HSF2BP: variants seen among roughly 807,000 people sequenced by gnomAD.
HSF2BP encodes the protein heat shock transcription factor 2 binding protein, also known as heat shock factor 2-binding protein.
In HSF2BP, 35 loss-of-function variants were observed where a neutral mutation model predicts 35.0. The observed-to-expected ratio is 1.00, with a 90% CI of 0.76 to 1.32. HSF2BP has a LOEUF of 1.32. Ranked by LOEUF, HSF2BP falls within the 40% of genes most tolerant of loss-of-function variation. The probability of loss-of-function intolerance (pLI) is 0.00; values close to 1 mark genes in which losing one functional copy is unlikely to be tolerated. For missense variants in HSF2BP, 326 were observed against 321.7 expected (o/e 1.01, Z -0.10); for synonymous variants, 114 against 117.4 (o/e 0.97, Z 0.18).
At chr21:43,645,980 G>C (rs1231648298) in intron 3 of HSF2BP, among the ~76,000 whole-genome samples, 2 of 151,970 alleles carry the variant, frequency 1.3e-5, no homozygotes, top group Non-Finnish European at 2.9e-5. Flanking sequence ...ATTCAGACCA[G>C]CTAAACATCA....
Position 43,659,127 on chromosome 21 carries a change from G to A in HSF2BP, c.-225+259C>T, listed in dbSNP as rs191099710. On this transcript the variant is annotated intron_variant, in intron 1 of 8. Transcript: ENST00000291560. This position sits in a 1 kb window ranked among gnomAD's most constrained non-coding sequence, Gnocchi z 4.2. ...AGCTTGGGCAACATAGCGAGACACC[G>A]TCTCTACAAAAAAATAACAAATAGT... 4.5e-4 allele frequency among the ~76,000 whole-genome samples: 69 copies of A among 152,166 alleles called. No homozygotes were observed. The highest frequency in any genetic ancestry group is 3.4e-3 in the Middle Eastern group (1 of 294).
chr21:43,642,072 G>A (rs931789179), intron 4 of HSF2BP, among the ~76,000 whole-genome samples: 2 of 152,152 alleles, frequency 1.3e-5, no homozygotes, highest in Non-Finnish European at 2.9e-5. Context: ...CAAAGCAGGA[G>A]GATCACTTGA....
At chr21:43,616,206 C>T (rs1031477248) in intron 6 of HSF2BP, among the ~76,000 whole-genome samples, 2 of 152,146 alleles carry the variant, frequency 1.3e-5, no homozygotes, top group Non-Finnish European at 2.9e-5. Context: ...CAGCAGAATG[C>T]ACACCATGAG....
At chr21:43,625,925 T>G (rs2082384392) in intron 6 of HSF2BP, among the ~76,000 whole-genome samples, 2 of 152,212 alleles carry the variant, frequency 1.3e-5, no homozygotes. Flanking sequence ...TTCAGGCAGC[T>G]CAGATTCACA....
chr21:43,592,294 T>C lies in HSF2BP; in HGVS notation c.727A>G (p.Asn243Asp), dbSNP rs779663062. The change falls in exon 8 of 9, where the codon AAT becomes GAT. Residue 243 changes from asparagine (N) to aspartate (D), a missense_variant. Transcript: ENST00000291560. ...CTGATGTATTTCAAGCCTTTCAAATTGATGCTTACATTGTATAGGGACATC... is the reference window on the plus strand; with the variant it reads ...CTGATGTATTTCAAGCCTTTCAAATCGATGCTTACATTGTATAGGGACATC... ...MLMSLYNVSI[N>D]LKGLKYISES... 7 of 1,613,598 alleles carry C rather than the reference T, an allele frequency of 4.3e-6. No individual in the cohort carries two copies. The highest frequency in any genetic ancestry group is 8.5e-7 in the Non-Finnish European group (1 of 1,179,672).
intron 7 of HSF2BP, among the ~76,000 whole-genome samples, chr21:43,602,595 C>T (rs1415583823): frequency 6.6e-6 from 1 of 152,210 alleles, no homozygotes; most frequent in African/African-American, 2.4e-5. Flanking sequence ...GAAACAGGAA[C>T]CACATAGAGC....
At chr21:43,592,032 C>A (rs944454354) in intron 8 of HSF2BP, among the ~76,000 whole-genome samples, 193 bp downstream of exon 8, 3 of 152,132 alleles carry the variant, frequency 2.0e-5, no homozygotes, top group Non-Finnish European at 4.4e-5. Context: ...TTGTTGATAA[C>A]CTCTATGCCT....
At chr21:43,630,241 T>C (rs1282099528) in intron 6 of HSF2BP, 81 bp downstream of exon 6, 1 of 1,257,902 alleles carries the variant, frequency 7.9e-7, no homozygotes, top group East Asian at 2.5e-5. Context: ...TTCATGTGAC[T>C]CATGTATTAT....
At chr21:43,505,875 A>G in the HSF2BP span, among the ~76,000 whole-genome samples, 1 of 132,472 alleles carries the variant, frequency 7.5e-6, no homozygotes, top group Non-Finnish European at 1.7e-5. Context: ...ATTGGGTTGT[A>G]GGTCTTTTTT....
chr21:43,633,125 C>T (rs1006823537), intron 5 of HSF2BP, 147 bp downstream of exon 5: 10 of 782,112 alleles, frequency 1.3e-5, no homozygotes, highest in East Asian at 5.5e-5. Context: ...GAACCATATA[C>T]GATAAGTATT....
In HSF2BP at chr21:43,658,083, C is replaced by G. The variant is rs548999626; in HGVS notation, c.14G>C (p.Gly5Ala). The G allele has an allele frequency of 6.5e-7, 1 of 1,535,256 alleles. No individual in the cohort carries two copies. Among genetic ancestry groups the G allele is most frequent in the Admixed American group, 2.0e-5 (1 of 50,844 alleles). ...AACCCGGCAGGCCTCCTCAGCGGCG[C>G]CCGCTTCGCCCATGGCCGCTGCCGC... is the stretch of plus-strand genomic sequence containing the variant. MGEA[G>A]AAEEACRHMG... The change falls in exon 2 of 9, where the codon GGC becomes GCC. Residue 5 changes from glycine to alanine, a missense_variant. Transcript: ENST00000291560.
At chr21:43,501,080 AGTCTCT>A in the HSF2BP span, among the ~76,000 whole-genome samples, 1 of 116,356 alleles carries the variant, frequency 8.6e-6, no homozygotes, top group Non-Finnish European at 1.8e-5. Flanking sequence ...CACAACACCC[AGTCTCT>A]GTCTGAGGGG....
chr21:43,612,512 G>A (rs377641957), intron 7 of HSF2BP, among the ~76,000 whole-genome samples: 4 of 152,092 alleles, frequency 2.6e-5, no homozygotes, highest in South Asian at 2.1e-4. Flanking sequence ...TTAGCTGGGC[G>A]TGGTGGCGGG....
intron 8 of HSF2BP, among the ~76,000 whole-genome samples, chr21:43,581,665 C>T (rs943593031): frequency 6.6e-6 from 1 of 152,178 alleles, no homozygotes; most frequent in Admixed American, 6.5e-5. Flanking sequence ...GCAAAAAAAA[C>T]ACTGTTCTTC....
chr21:43,590,632 A>C (rs981591941), intron 8 of HSF2BP, among the ~76,000 whole-genome samples: 1 of 152,258 alleles, frequency 6.6e-6, no homozygotes, highest in Non-Finnish European at 1.5e-5. Flanking sequence ...ACAACATGGA[A>C]TATTTAGCAA....
intron 3 of HSF2BP, among the ~76,000 whole-genome samples, chr21:43,655,405 C>T (rs1474378549): frequency 1.3e-5 from 2 of 152,136 alleles, no homozygotes; most frequent in African/African-American, 4.8e-5. Context: ...TCTGAAGGGA[C>T]CACTTACAGA....
At chr21:43,499,981 T>C in the HSF2BP span, among the ~76,000 whole-genome samples, 1 of 84,946 alleles carries the variant, frequency 1.2e-5, no homozygotes, top group Non-Finnish European at 2.3e-5. Context: ...ACATCACACA[T>C]ATACCACACA....
intron 6 of HSF2BP, among the ~76,000 whole-genome samples, chr21:43,626,263 C>A (rs2082388291): frequency 6.6e-6 from 1 of 151,820 alleles, no homozygotes; most frequent in Non-Finnish European, 1.5e-5. Context: ...AGAATAACAC[C>A]AAAAGAAAAA....
intron 4 of HSF2BP, among the ~76,000 whole-genome samples, chr21:43,636,784 C>G (rs28852206): frequency 0.04 from 5,980 of 150,218 alleles, 408 homozygotes; most frequent in African/African-American, 0.14. Flanking sequence ...CCCAGCTGCT[C>G]AGGAGGCTGA....
Sources: gnomAD v4.1 joint callset for allele counts (sites outside exome capture counted in the v4.1 genomes callset) on GRCh38, gnomAD v4.1.1 for gene constraint, Gnocchi (gnomAD v3.1) non-coding constraint, MANE v1.5 for transcripts, NCBI Gene and HGNC (gene_info 2026-07-23, HGNC 2026-07-21) for gene names.